The following TERF1 variants were observed in gnomAD, a reference collection of about 807,000 sequenced individuals.
The protein encoded by TERF1 is telomeric repeat-binding factor 1.
A neutral mutation model predicts 55.1 loss-of-function variants in TERF1; 20 were observed. The ratio of observed to expected loss-of-function variants is 0.36; its 90% CI spans 0.26 to 0.53. The LOEUF is 0.53. TERF1 is among the 20% of genes least tolerant of loss of function. The pLI is 0.91. For missense variants in TERF1, 439 were observed against 535.7 expected (o/e 0.82, Z 1.78); for synonymous variants, 168 against 181.2 (o/e 0.93, Z 0.59).
chr8:73,016,056 T>A (rs1406605272), intron 2 of TERF1, among the ~76,000 whole-genome samples: 2 of 152,162 alleles, frequency 1.3e-5, no homozygotes, highest in Non-Finnish European at 2.9e-5. Context: ...AGTTTAAGGC[T>A]GCAGTGAGCT....
chr8:73,020,849 A>T (rs1286364930), intron 3 of TERF1, 44 bp downstream of exon 3: 2 of 1,139,666 alleles, frequency 1.8e-6, no homozygotes, highest in Middle Eastern at 2.5e-4. Flanking sequence ...TCTAGAAAAT[A>T]ACATTTAAAA....
At chr8:73,022,159 A>G in intron 3 of TERF1, 57 bp from the exon 4 acceptor site, 2 of 1,055,966 alleles carry the variant, frequency 1.9e-6, no homozygotes. Context: ...CTTAATAATT[A>G]AATAACTATT....
Position 73,046,181 on chromosome 8 carries a change from A to T in TERF1, c.*44A>T. 1 of 1,448,062 alleles carries T rather than the reference A, an allele frequency of 6.9e-7. No homozygotes were observed. The highest frequency in any genetic ancestry group is 1.5e-5 in the South Asian group (1 of 67,422). The allele number at this position is 1,448,062 out of a possible 1,614,324, so 89.7% of individuals were successfully genotyped here. On this transcript the variant is annotated 3_prime_UTR_variant, in exon 10 of 10. Transcript: ENST00000276603. ...GATGAAAGGACAGTTAAGTATTTTG[A>T]TCACTGCATTTTGTTTGAAACTTGT...
chr8:73,037,207 A>G (rs1215576700), intron 8 of TERF1, among the ~76,000 whole-genome samples: 1 of 135,594 alleles, frequency 7.4e-6, no homozygotes, highest in African/African-American at 2.7e-5. Flanking sequence ...ATATAATATA[A>G]TTTATATATA....
intron 1 of TERF1, chr8:73,011,328 A>C (rs1266006178): frequency 6.6e-6 from 1 of 152,314 alleles, no homozygotes; most frequent in Non-Finnish European, 1.5e-5. Context: ...CAGTTGGATC[A>C]CTTGAGGTCA....
intron 2 of TERF1, among the ~76,000 whole-genome samples, chr8:73,020,158 C>G (rs567380714): frequency 6.6e-6 from 1 of 152,132 alleles, no homozygotes; most frequent in Non-Finnish European, 1.5e-5. Flanking sequence ...CTTGAATGTC[C>G]GAATGGGTTG....
At chr8:73,024,035 T>C (rs55915334) in intron 4 of TERF1, among the ~76,000 whole-genome samples, 40 of 152,226 alleles carry the variant, frequency 2.6e-4, no homozygotes, top group African/African-American at 9.4e-4. Flanking sequence ...AGACAGTTGC[T>C]CTGGGATTGA....
rs1334442043 is a variant in TERF1, at chr8:73,046,804, T to C, written c.*667T>C. On this transcript the variant is annotated 3_prime_UTR_variant, in exon 10 of 10. Coordinates refer to ENST00000276603, the MANE Select transcript of TERF1 (RefSeq NM_017489.3). ...CCACTGCGTCCTGCCTAAAATGAAT[T>C]TTCTAGATGATTGAATAACAGTAGT... is the stretch of plus-strand genomic sequence containing the variant. The C allele has an allele frequency of 6.6e-6, 1 of 152,126 alleles. No homozygotes were observed. The highest frequency in any genetic ancestry group is 1.5e-5 in the Non-Finnish European group (1 of 68,036). The allele number at this position is 152,126 out of a possible 1,614,324, so 9.4% of individuals were successfully genotyped here.
In TERF1 at chr8:73,037,716, T is replaced by TAATATATATTATATAGTATGA. The variant is rs1563471932; in HGVS notation, c.1040-1384_1040-1364dup. Among the ~76,000 whole-genome samples, 9 of 88,386 alleles carry TAATATATATTATATAGTATGA rather than the reference T, an allele frequency of 1.0e-4. 1 individual carries two copies. The Admixed American group carries it at 1.5e-3, about 15-fold the overall frequency. The allele number at this position is 88,386 out of a possible 152,430, so 58.0% of individuals were successfully genotyped here. A position where few individuals can be genotyped will look rare whatever the true frequency, so the allele number is the denominator to read the frequency against. On this transcript the variant is annotated intron_variant, in intron 8 of 9. Transcript: ENST00000276603. ...ATATAGTATAATATTATATTATATA[T>TAATATATATTATATAGTATGA]AATATATATTATATAGTATGAAATA...
chr8:73,045,849 C>T lies in TERF1; in HGVS notation c.1144-112C>T, dbSNP rs774169062. The T allele has an allele frequency of 6.3e-6, 5 of 794,430 alleles. No individual in the cohort carries two copies. In the East Asian group the frequency reaches 9.5e-5, roughly 15 times the overall value. 49.2% of individuals were successfully genotyped at this position (794,430 alleles called of 1,614,324 possible). A position where few individuals can be genotyped will look rare whatever the true frequency, so the allele number is the denominator to read the frequency against. On this transcript the variant is annotated intron_variant, in intron 9 of 9. Transcript: ENST00000276603. Reference sequence around the variant, plus strand: ...CTAAGAAATGTTTAGAGAAGTCTTCCGTCTTTAAGAAACTAAGCATTATTT... The same window carrying T: ...CTAAGAAATGTTTAGAGAAGTCTTCTGTCTTTAAGAAACTAAGCATTATTT...
At position 73,016,938 on chromosome 8, in the gene TERF1, A is replaced by T. The variant is rs1808536696; in HGVS notation, c.415+2948A>T. Among the ~76,000 whole-genome samples, 3 of 152,058 alleles carry T rather than the reference A, an allele frequency of 2.0e-5. No individual in the cohort carries two copies. The South Asian group carries it at 6.2e-4, about 32-fold the overall frequency. On this transcript the variant is annotated intron_variant, in intron 2 of 9. Coordinates refer to ENST00000276603, the MANE Select transcript of TERF1 (RefSeq NM_017489.3). ...AAATCGGCAGCTCACCTCAGAAGGGATTCTCTCTGGAATTTTAGTTCATCT... is the reference window on the plus strand; with the variant it reads ...AAATCGGCAGCTCACCTCAGAAGGGTTTCTCTCTGGAATTTTAGTTCATCT...
At chr8:73,035,454 A>G (rs1219446535) in intron 8 of TERF1, among the ~76,000 whole-genome samples, 1 of 151,278 alleles carries the variant, frequency 6.6e-6, no homozygotes, top group Non-Finnish European at 1.5e-5. Context: ...TTTATGGCCC[A>G]CAGTATGGTT....
At chr8:73,012,159 G>A (rs889238434) in intron 1 of TERF1, 5 of 152,186 alleles carry the variant, frequency 3.3e-5, no homozygotes, top group African/African-American at 1.2e-4. Flanking sequence ...GGCCTGAAGA[G>A]AGGGAGTAAG....
chr8:73,019,671 A>C (rs940514203), intron 2 of TERF1, among the ~76,000 whole-genome samples: 1 of 152,144 alleles, frequency 6.6e-6, no homozygotes, highest in Non-Finnish European at 1.5e-5. Flanking sequence ...CTGAGACTAC[A>C]GGCACACGCC....
At chr8:73,025,482 G>A (rs552060554) in intron 5 of TERF1, among the ~76,000 whole-genome samples, 2 of 152,080 alleles carry the variant, frequency 1.3e-5, no homozygotes, top group South Asian at 4.2e-4. Flanking sequence ...GCCGGGCGCG[G>A]TGGCTCACGC....
In TERF1 at chr8:73,008,906, C is replaced by T. The variant is rs1460074735; in HGVS notation, c.20C>T (p.Ser7Leu). 4 of 1,608,534 alleles carry T rather than the reference C, an allele frequency of 2.5e-6. No individual in the cohort carries two copies. The Admixed American group carries it at 5.1e-5, about 20-fold the overall frequency. ...TTTAACATGGCGGAGGATGTTTCCT[C>T]AGCGGCCCCGAGCCCGCGGGGCTGT... MAEDVSSAAPSPRGCAD... is the reference protein window; with the variant it reads MAEDVSLAAPSPRGCAD... Residue 7 changes from serine to leucine, a missense_variant, in exon 1 of 10, where the codon TCA becomes TTA. Ser to Leu is a moderately radical substitution (Grantham distance 145). Transcript: ENST00000276603.
At chr8:73,015,719 C>T (rs1808475189) in intron 2 of TERF1, among the ~76,000 whole-genome samples, 1 of 152,054 alleles carries the variant, frequency 6.6e-6, no homozygotes, top group African/African-American at 2.4e-5. Flanking sequence ...CACGTGTGGT[C>T]CTCTGGAGAC....
intron 8 of TERF1, among the ~76,000 whole-genome samples, chr8:73,032,603 G>A (rs1017678721): frequency 3.9e-5 from 6 of 151,932 alleles, no homozygotes; most frequent in Non-Finnish European, 8.8e-5. Flanking sequence ...GTATGTTTGT[G>A]TAAGTGTACT....
chr8:73,037,718 A>T (rs1477324183), intron 8 of TERF1, among the ~76,000 whole-genome samples: 1 of 85,324 alleles, frequency 1.2e-5, no homozygotes, highest in Non-Finnish European at 2.0e-5. Flanking sequence ...ATTATATATA[A>T]TATATATTAT....
Sources: allele counts gnomAD v4.1 joint callset (sites outside exome capture counted in the v4.1 genomes callset), GRCh38; gene constraint gnomAD v4.1.1; transcripts MANE v1.5; gene names NCBI Gene and HGNC (gene_info 2026-07-23, HGNC 2026-07-21).